Variants in EPHA3 observed in about 807,000 individuals in gnomAD.
EPHA3 encodes ephrin type-A receptor 3.
EPHA3 carries 42 observed loss-of-function variants against 107.1 expected under a neutral mutation model. That is an observed-to-expected ratio of 0.39 (90% CI 0.31 to 0.51). The LOEUF is 0.51. Ranked by LOEUF, EPHA3 falls within the 20% of genes least tolerant of loss-of-function variation. The pLI is 0.78. For missense variants in EPHA3, 1,183 were observed against 1,211.2 expected, an observed-to-expected ratio of 0.98 and a Z score of 0.35; for synonymous variants, 461 against 424.8, an observed-to-expected ratio of 1.09 and a Z score of -1.05.
chr3:89,387,789 A>G (rs546570818), intron 5 of EPHA3, among the ~76,000 whole-genome samples: 1 of 152,308 alleles, frequency 6.6e-6, no homozygotes, highest in East Asian at 1.9e-4. Context: ...TGACTATGAA[A>G]TGCATACTTC....
rs2106993821 is a variant in EPHA3, at chr3:89,133,511, T to C, written c.153+6238T>C. On this transcript the variant is annotated intron_variant, in intron 2 of 16. Coordinates refer to ENST00000336596, the MANE Select transcript of EPHA3 (RefSeq NM_005233.6). ...CGACGAACTCTTGGAAAGCATTTTC[T>C]GCATCCTGCTAGTTGTGGAAGCGAT... 3.3e-5 allele frequency among the ~76,000 whole-genome samples: 5 copies of C among 152,326 alleles called. No individual in the cohort carries two copies. In the Middle Eastern group the frequency reaches 0.014, roughly 414 times the overall value.
At chr3:89,117,501 TG>T (rs755475699) in intron 1 of EPHA3, among the ~76,000 whole-genome samples, 1 of 152,108 alleles carries the variant, frequency 6.6e-6, no homozygotes, top group Non-Finnish European at 1.5e-5. Flanking sequence ...AGGGAAAGTC[TG>T]GGAAGCTAAT....
chr3:89,344,582 T>G (rs1041938343), intron 5 of EPHA3, among the ~76,000 whole-genome samples: 11 of 152,274 alleles, frequency 7.2e-5, no homozygotes, highest in Admixed American at 5.9e-4. Context: ...GTTTCTTTGT[T>G]TTCCTTTATT....
intron 5 of EPHA3, among the ~76,000 whole-genome samples, chr3:89,343,066 C>G: frequency 6.6e-6 from 1 of 152,164 alleles, no homozygotes; most frequent in East Asian, 1.9e-4. Flanking sequence ...ATGGACATCC[C>G]TCTGGTCCCT....
intron 3 of EPHA3, among the ~76,000 whole-genome samples, chr3:89,339,950 GAA>G (rs1707480382): frequency 6.6e-6 from 1 of 152,070 alleles, no homozygotes; most frequent in Non-Finnish European, 1.5e-5. Flanking sequence ...CTTCTCAAAT[GAA>G]TTACTAGAGA....
chr3:89,478,716 G>A (rs772933755), intron 16 of EPHA3, among the ~76,000 whole-genome samples: 13 of 152,142 alleles, frequency 8.5e-5, no homozygotes, highest in East Asian at 1.9e-4. Flanking sequence ...CAATTCTGGC[G>A]TACTCTGTTA....
At chr3:89,475,876 A>C (rs1355391795) in intron 16 of EPHA3, among the ~76,000 whole-genome samples, 4 of 152,102 alleles carry the variant, frequency 2.6e-5, no homozygotes, top group African/African-American at 9.7e-5. Flanking sequence ...TGAAATGAGC[A>C]CACAGAGTGT....
At chr3:89,345,657 G>T in intron 5 of EPHA3, among the ~76,000 whole-genome samples, 1 of 130,484 alleles carries the variant, frequency 7.7e-6, no homozygotes, top group African/African-American at 2.9e-5. Flanking sequence ...GGGTACATGT[G>T]CACATTGTGC....
intron 2 of EPHA3, among the ~76,000 whole-genome samples, chr3:89,147,701 C>T (rs1351894889): frequency 6.6e-6 from 1 of 151,856 alleles, no homozygotes; most frequent in African/African-American, 2.4e-5. Flanking sequence ...TACATTTAAC[C>T]TGACCTCAGG....
intron 13 of EPHA3, among the ~76,000 whole-genome samples, chr3:89,439,446 G>A (rs1257851060): frequency 6.6e-6 from 1 of 152,046 alleles, no homozygotes; most frequent in Non-Finnish European, 1.5e-5. Context: ...GCAACAGAGT[G>A]AGATTTTATC....
chr3:89,174,114 T>C (rs1705269347), intron 2 of EPHA3, among the ~76,000 whole-genome samples: 1 of 151,998 alleles, frequency 6.6e-6, no homozygotes, highest in Admixed American at 6.5e-5. Context: ...TAAGTTATAA[T>C]AGTTTTAATT....
chr3:89,298,059 A>C (rs1706400889), intron 3 of EPHA3, among the ~76,000 whole-genome samples: 1 of 152,090 alleles, frequency 6.6e-6, no homozygotes, highest in Admixed American at 6.6e-5. Context: ...ACAAACAAAC[A>C]AAAACATCCA....
At chr3:89,137,338 C>A (rs1204346653) in intron 2 of EPHA3, among the ~76,000 whole-genome samples, 1 of 151,908 alleles carries the variant, frequency 6.6e-6, no homozygotes. Context: ...ATAATTCACA[C>A]AAAAGCTTTG....
intron 5 of EPHA3, among the ~76,000 whole-genome samples, chr3:89,367,053 G>T (rs572932722): frequency 6.6e-6 from 1 of 150,588 alleles, no homozygotes; most frequent in African/African-American, 2.4e-5. Context: ...GTAGCCACTA[G>T]TCTGCAGTTG....
intron 5 of EPHA3, among the ~76,000 whole-genome samples, chr3:89,390,145 C>A (rs1708695673): frequency 6.6e-6 from 1 of 152,118 alleles, no homozygotes; most frequent in South Asian, 2.1e-4. Flanking sequence ...TCACACACCA[C>A]CACAACCAGC....
intron 13 of EPHA3, among the ~76,000 whole-genome samples, chr3:89,436,931 T>C (rs1444408458): frequency 6.6e-6 from 1 of 152,192 alleles, no homozygotes; most frequent in Non-Finnish European, 1.5e-5. Context: ...TACTCACTTG[T>C]TGTTATTTCT....
intron 5 of EPHA3, among the ~76,000 whole-genome samples, chr3:89,350,881 A>T (rs1707797343): frequency 6.6e-6 from 1 of 151,038 alleles, no homozygotes; most frequent in Non-Finnish European, 1.5e-5. Flanking sequence ...CTGCCTTGTG[A>T]GGTGTCAGTG....
intron 3 of EPHA3, among the ~76,000 whole-genome samples, chr3:89,276,081 G>A (rs1038857738): frequency 6.6e-6 from 1 of 151,978 alleles, no homozygotes. Flanking sequence ...AAAAATGGCT[G>A]TGCTTGCATT....
chr3:89,300,331 A>G (rs1706452383), intron 3 of EPHA3, among the ~76,000 whole-genome samples: 1 of 152,096 alleles, frequency 6.6e-6, no homozygotes, highest in Admixed American at 6.6e-5. Context: ...TCAAAATATC[A>G]AACTTATATG....
Sources: gnomAD v4.1 joint callset for allele counts (sites outside exome capture counted in the v4.1 genomes callset) on GRCh38, gnomAD v4.1.1 for gene constraint, MANE v1.5 for transcripts, NCBI Gene and HGNC (gene_info 2026-07-23, HGNC 2026-07-21) for gene names.